Variants in NBAS observed in about 807,000 individuals in gnomAD.
The protein encoded by NBAS is NAG/BC035112 fusion.
In NBAS, 219 loss-of-function variants were observed where a neutral mutation model predicts 302.5. The ratio of observed to expected loss-of-function variants is 0.72; its 90% CI spans 0.65 to 0.81. The LOEUF (loss-of-function observed/expected upper bound fraction) is 0.81, where lower values mean the gene tolerates loss of function less well. NBAS is among the 30% of genes least tolerant of loss of function. The probability of loss-of-function intolerance (pLI) is 0.00; values close to 1 mark genes in which losing one functional copy is unlikely to be tolerated. For missense variants in NBAS, 2,932 were observed against 2,841.6 expected, an observed-to-expected ratio of 1.03 and a Z score of -0.72; for synonymous variants, 1,118 against 1,021.6, an observed-to-expected ratio of 1.09 and a Z score of -1.80.
At chr2:15,502,068 A>G (rs115655350) in intron 11 of NBAS, among the ~76,000 whole-genome samples, 374 of 152,352 alleles carry the variant, frequency 2.5e-3, no homozygotes, top group African/African-American at 8.0e-3. Flanking sequence ...CAAATTACCA[A>G]CTAAAGGTTT....
the NBAS span, among the ~76,000 whole-genome samples, chr2:14,854,443 G>GA: frequency 4.4e-4 from 66 of 150,608 alleles, no homozygotes; most frequent in Middle Eastern, 3.4e-3. Context: ...CATCTACACA[G>GA]AAAAAAAACC....
intron 10 of NBAS, among the ~76,000 whole-genome samples, chr2:15,505,356 T>C (rs1193728214): frequency 1.3e-5 from 2 of 152,110 alleles, no homozygotes; most frequent in Non-Finnish European, 2.9e-5. Flanking sequence ...TAATCAGACA[T>C]GGCCTACAGG....
chr2:15,319,330 TA>T (rs1236634212), intron 38 of NBAS, among the ~76,000 whole-genome samples: 22 of 151,784 alleles, frequency 1.4e-4, no homozygotes, highest in Non-Finnish European at 3.2e-4. Context: ...ACATCACAAT[TA>T]AAAGAACTAG....
intron 21 of NBAS, among the ~76,000 whole-genome samples, chr2:15,437,798 G>A (rs1678106068): frequency 2.6e-5 from 4 of 152,136 alleles, no homozygotes; most frequent in African/African-American, 7.2e-5. Context: ...CTGCCCTCAA[G>A]AAACACAAAA....
chr2:14,958,649 G>T, the NBAS span, among the ~76,000 whole-genome samples: 3 of 152,222 alleles, frequency 2.0e-5, no homozygotes, highest in African/African-American at 7.2e-5. Context: ...TTCTCTTAAA[G>T]ATGTTTATTA....
chr2:14,984,530 TG>T, the NBAS span, among the ~76,000 whole-genome samples: 1 of 152,208 alleles, frequency 6.6e-6, no homozygotes, highest in African/African-American at 2.4e-5. Flanking sequence ...AAGCGGAATT[TG>T]AAAGTCCCTC....
intron 9 of NBAS, among the ~76,000 whole-genome samples, chr2:15,533,376 A>T (rs1663315114): frequency 6.6e-6 from 1 of 152,204 alleles, no homozygotes; most frequent in African/African-American, 2.4e-5. Context: ...CCAAATTTTC[A>T]TCTATAGGAG....
chr2:14,974,761 A>T, the NBAS span, among the ~76,000 whole-genome samples: 1 of 152,060 alleles, frequency 6.6e-6, no homozygotes, highest in South Asian at 2.1e-4. Context: ...AGATTCATAC[A>T]CCCTAATCCC....
intron 32 of NBAS, among the ~76,000 whole-genome samples, chr2:15,357,686 G>A (rs1673691681): frequency 6.6e-6 from 1 of 152,058 alleles, no homozygotes; most frequent in South Asian, 2.1e-4. Context: ...CAATCACACA[G>A]ATGAATATAT....
At chr2:15,128,005 A>G in the NBAS span, among the ~76,000 whole-genome samples, 1 of 152,176 alleles carries the variant, frequency 6.6e-6, no homozygotes, top group East Asian at 1.9e-4. Flanking sequence ...AGTTAGATCT[A>G]TTTGATGCAA....
At chr2:15,047,981 A>G in the NBAS span, among the ~76,000 whole-genome samples, 1 of 152,254 alleles carries the variant, frequency 6.6e-6, no homozygotes, top group East Asian at 1.9e-4. Flanking sequence ...ACAGTATGAA[A>G]TCAATAACTG....
At chr2:15,226,537 T>C (rs1667159117) in intron 47 of NBAS, among the ~76,000 whole-genome samples, 1 of 152,214 alleles carries the variant, frequency 6.6e-6, no homozygotes, top group Non-Finnish European at 1.5e-5. Flanking sequence ...GAAAGAAATT[T>C]CATATGCACA....
intron 40 of NBAS, among the ~76,000 whole-genome samples, chr2:15,300,857 C>T (rs191312247): frequency 2.0e-5 from 3 of 152,096 alleles, no homozygotes; most frequent in Admixed American, 6.6e-5. Context: ...CTGCCCACAG[C>T]GGGGAGAAGG....
chr2:15,087,257 C>CA, the NBAS span, among the ~76,000 whole-genome samples: 2,124 of 137,440 alleles, frequency 0.015, 54 homozygotes, highest in African/African-American at 0.063. Context: ...CACACACACA[C>CA]CCCATATTGG....
At chr2:14,985,990 T>C in the NBAS span, among the ~76,000 whole-genome samples, 1 of 152,170 alleles carries the variant, frequency 6.6e-6, no homozygotes. Flanking sequence ...TAGAGATCAG[T>C]AAAACTATGG....
chr2:15,468,346 A>T, intron 17 of NBAS, 36 bp downstream of exon 17: 1 of 1,612,912 alleles, frequency 6.2e-7, no homozygotes, highest in Non-Finnish European at 8.5e-7. Context: ...TCACAAAGTC[A>T]CCTTTACTTT....
At chr2:15,114,688 G>A in the NBAS span, among the ~76,000 whole-genome samples, 1 of 152,166 alleles carries the variant, frequency 6.6e-6, no homozygotes, top group Non-Finnish European at 1.5e-5. Flanking sequence ...ATGTGGCTGT[G>A]ATTGACAGGT....
the NBAS span, among the ~76,000 whole-genome samples, chr2:15,119,303 C>CT: frequency 0.016 from 1,711 of 107,628 alleles, 48 homozygotes; most frequent in South Asian, 0.087. Context: ...GAAATCCTTT[C>CT]TTTTTTTTTT....
At chr2:14,941,139 T>A in the NBAS span, among the ~76,000 whole-genome samples, 1 of 152,144 alleles carries the variant, frequency 6.6e-6, no homozygotes, top group African/African-American at 2.4e-5. Context: ...TGACAAAACT[T>A]CCATTCATGA....
Sources: gnomAD v4.1 joint callset for allele counts (sites outside exome capture counted in the v4.1 genomes callset) on GRCh38, gnomAD v4.1.1 for gene constraint, MANE v1.5 for transcripts, NCBI Gene and HGNC (gene_info 2026-07-23, HGNC 2026-07-21) for gene names.